Variants in LETM1 observed in about 807,000 individuals in gnomAD.
LETM1 encodes leucine zipper and EF-hand containing transmembrane protein 1.
Under a neutral mutation model 74.5 loss-of-function variants are expected in LETM1, and 50 were observed. That is an observed-to-expected ratio of 0.67 (90% confidence interval 0.53 to 0.85). The LOEUF is 0.85. Ranked by LOEUF, LETM1 falls within the 40% of genes least tolerant of loss-of-function variation. The pLI, the probability that LETM1 is intolerant of heterozygous loss-of-function variation, is 0.00. For synonymous variants in LETM1, 446 were observed against 407.1 expected (o/e 1.10, Z -1.15); for missense variants, 824 against 967.8 (o/e 0.85, Z 1.97).
At chr4:1,828,302 C>A (rs868421525) in intron 6 of LETM1, among the ~76,000 whole-genome samples, 1 of 112,456 alleles carries the variant, frequency 8.9e-6, no homozygotes, top group Non-Finnish European at 1.9e-5. Context: ...CCCTCCCGGA[C>A]GGGGCGGCTG....
At position 1,836,442 on chromosome 4, in the gene LETM1, G is replaced by T; in HGVS notation, c.725C>A (p.Thr242Asn). Residue 242 changes from threonine to asparagine, a missense_variant, in exon 4 of 14, where the codon ACT (threonine) becomes AAT (asparagine). Transcript: ENST00000302787. The surrounding 1 kb of genome is among the most constrained non-coding windows in gnomAD (Gnocchi z 5.8). The part of the protein sequence containing the change: ...FPNMLPSTFE[T>N]QSLKEERLKK... ...TGCTGCCCTTACCTTGAGTGACTGAGTCTCAAATGTGGATGGCAACATGTT... is the reference window on the plus strand; with the variant it reads ...TGCTGCCCTTACCTTGAGTGACTGATTCTCAAATGTGGATGGCAACATGTT... 1.2e-6 allele frequency: 2 copies of T among 1,613,972 alleles called. No homozygotes were observed. Among genetic ancestry groups the T allele is most frequent in the Non-Finnish European group, 1.7e-6 (2 of 1,179,952 alleles).
At chr4:1,844,886 GAA>G (rs971183682) in intron 2 of LETM1, among the ~76,000 whole-genome samples, 2,038 of 50,962 alleles carry the variant, frequency 0.04, 32 homozygotes, top group African/African-American at 0.12. Context: ...TGTCTCTACA[GAA>G]AAAAAAAAAA....
At chr4:1,835,464 AAAACAAAC>A (rs752100559) in intron 4 of LETM1, among the ~76,000 whole-genome samples, 20 of 149,570 alleles carry the variant, frequency 1.3e-4, no homozygotes, top group Admixed American at 1.2e-3. Context: ...AAACAAAACA[AAAACAAAC>A]AAACAAACAA....
Position 1,813,940 on chromosome 4 carries a change from C to T in LETM1, c.*484G>A, listed in dbSNP as rs531945017. ...GTGCAGGAAGACAGGTCTATTGACA[C>T]TGAAATCTAGAAATCAAGGTCCACA... On this transcript the variant is annotated 3_prime_UTR_variant, in exon 14 of 14. Transcript: ENST00000302787. 60 of 178,292 alleles carry T rather than the reference C, an allele frequency of 3.4e-4. No homozygotes were observed. Among genetic ancestry groups the T allele is most frequent in the African/African-American group, 1.4e-3 (58 of 42,722 alleles). The allele number at this position is 178,292 out of a possible 1,614,324, so 11.0% of individuals were successfully genotyped here. A position where few individuals can be genotyped will look rare whatever the true frequency, so the allele number is the denominator to read the frequency against.
chr4:1,829,869 GACAC>G (rs150026345), intron 6 of LETM1, among the ~76,000 whole-genome samples: 2 of 150,560 alleles, frequency 1.3e-5, no homozygotes, highest in Non-Finnish European at 3.0e-5. Flanking sequence ...ATGAAACAAC[GACAC>G]ACACACACAC....
chr4:1,835,081 A>T, intron 4 of LETM1, 99 bp from the exon 5 acceptor site: 1 of 1,110,944 alleles, frequency 9.0e-7, no homozygotes, highest in Non-Finnish European at 1.3e-6. Flanking sequence ...TCCCAGAAAC[A>T]TTTCACAACA....
chr4:1,832,422 C>T (rs750471717), intron 6 of LETM1, among the ~76,000 whole-genome samples: 1 of 152,070 alleles, frequency 6.6e-6, no homozygotes, highest in Non-Finnish European at 1.5e-5. Context: ...GCAAATGGAC[C>T]CTCGATGAAG....
intron 6 of LETM1, among the ~76,000 whole-genome samples, chr4:1,829,716 G>A (rs573870714): frequency 6.6e-6 from 1 of 152,284 alleles, no homozygotes; most frequent in South Asian, 2.1e-4. Flanking sequence ...GCTACTCAGG[G>A]GGCTGAGGTG....
chr4:1,829,811 C>T (rs553286210), intron 6 of LETM1, among the ~76,000 whole-genome samples: 1 of 152,172 alleles, frequency 6.6e-6, no homozygotes, highest in Admixed American at 6.5e-5. Context: ...GGCAACAGAA[C>T]AAGACACCAT....
rs1387421812 is a variant in LETM1, at chr4:1,812,232, G to T, written c.*2192C>A. ...AAAAAAAAATTAGCTGGGCATGGTG[G>T]CGCATGCCTGTAATCCCAATTACTC... On this transcript the variant is annotated 3_prime_UTR_variant, in exon 14 of 14. Transcript: ENST00000302787. The T allele has an allele frequency of 1.3e-5, 2 of 151,038 alleles. No homozygotes were observed. The highest frequency in any genetic ancestry group is 1.5e-5 in the Non-Finnish European group (1 of 67,884). The allele number at this position is 151,038 out of a possible 1,614,324, so 9.4% of individuals were successfully genotyped here. A position where few individuals can be genotyped will look rare whatever the true frequency, so the allele number is the denominator to read the frequency against.
chr4:1,836,528 A>G lies in LETM1; in HGVS notation c.639T>C (p.Leu213=), dbSNP rs764526136. The change falls in exon 4 of 14, where the codon CTT becomes CTC. Residue 213 remains leucine (L), a synonymous_variant. Coordinates refer to ENST00000302787, the MANE Select transcript of LETM1 (RefSeq NM_012318.3). This position sits in a 1 kb window ranked among gnomAD's most constrained non-coding sequence, Gnocchi z 5.8. ...CCATGAACGGCACCACCACGAACAC[A>G]AGGAACGGCACCAGGCGGAAGAGGT... ...CADLFRLVPF[L]VFVVVPFMEF... is the part of the protein sequence containing the mutation. The G allele has an allele frequency of 1.2e-6, 2 of 1,613,968 alleles. No homozygotes were observed. Among genetic ancestry groups the G allele is most frequent in the Non-Finnish European group, 1.7e-6 (2 of 1,179,996 alleles).
rs1355202106 is a variant in LETM1 at position 1,855,927 on chromosome 4, G to A, written c.24C>T (p.Ser8=). 2.1e-5 allele frequency: 26 copies of A among 1,236,468 alleles called. No homozygotes were observed. The highest frequency in any genetic ancestry group is 3.4e-5 in the South Asian group (1 of 29,054). The allele number at this position is 1,236,468 out of a possible 1,614,324, so 76.6% of individuals were successfully genotyped here. Reference sequence around the variant, plus strand: ...GGCGGGCGGGCGCCCGGCCGCGGCAGCTCCTCAGTAAGATGGACGCCATGT... The same window carrying A: ...GGCGGGCGGGCGCCCGGCCGCGGCAACTCCTCAGTAAGATGGACGCCATGT... The part of the protein sequence containing the change: MASILLR[S]CRGRAPARLP... Residue 8 remains serine (S), a synonymous_variant, in exon 1 of 14, where the codon AGC becomes AGT. Transcript: ENST00000302787.
intron 2 of LETM1, among the ~76,000 whole-genome samples, chr4:1,842,768 T>C (rs1166134866): frequency 1.3e-5 from 2 of 152,258 alleles, no homozygotes; most frequent in Non-Finnish European, 2.9e-5. Flanking sequence ...AGGAGGCCAC[T>C]GCAGCCTAAG....
At chr4:1,814,710 G>C (rs1289342053) in intron 13 of LETM1, 137 bp from the exon 14 acceptor site, 3 of 703,730 alleles carry the variant, frequency 4.3e-6, no homozygotes, top group African/African-American at 1.8e-5. Context: ...GGGCCCCAGG[G>C]TCCTCAGAGC....
chr4:1,841,239 G>A, intron 3 of LETM1, 108 bp downstream of exon 3: 2 of 972,542 alleles, frequency 2.1e-6, no homozygotes, highest in Non-Finnish European at 3.1e-6. Flanking sequence ...CAGATACTCG[G>A]GAGGCTGAGG....
chr4:1,845,019 G>A (rs186214997), intron 2 of LETM1, among the ~76,000 whole-genome samples: 74 of 150,306 alleles, frequency 4.9e-4, no homozygotes, highest in African/African-American at 1.7e-3. Flanking sequence ...GTGAAACCCC[G>A]TCTTTACTAA....
chr4:1,825,823 G>C, intron 6 of LETM1, 140 bp from the exon 7 acceptor site: 3 of 983,638 alleles, frequency 3.0e-6, no homozygotes, highest in South Asian at 1.6e-5. Flanking sequence ...CCAGTTCTAG[G>C]TTAGAAGTGA....
chr4:1,826,910 G>A (rs1161753466), intron 6 of LETM1, among the ~76,000 whole-genome samples: 1 of 152,164 alleles, frequency 6.6e-6, no homozygotes, highest in Non-Finnish European at 1.5e-5. Context: ...TGGAGTCGGC[G>A]CTCCACCCAC....
intron 5 of LETM1, chr4:1,833,917 T>G (rs927026059): frequency 1.3e-5 from 2 of 152,226 alleles, no homozygotes; most frequent in South Asian, 2.1e-4. Context: ...CCAGGAAAGG[T>G]TGGGACGGGC....
Sources: allele counts gnomAD v4.1 joint callset (sites outside exome capture counted in the v4.1 genomes callset), GRCh38; gene constraint gnomAD v4.1.1; non-coding constraint Gnocchi (gnomAD v3.1); transcripts MANE v1.5; gene names NCBI Gene and HGNC (gene_info 2026-07-23, HGNC 2026-07-21).